The following NCKAP5 variants were observed in gnomAD, a reference collection of about 807,000 sequenced individuals.
The protein encoded by NCKAP5 is NCK associated protein 5, also known as nck-associated protein 5.
A neutral mutation model predicts 167.0 loss-of-function variants in NCKAP5; 92 were observed. The ratio of observed to expected loss-of-function variants is 0.55; its 90% CI spans 0.47 to 0.66. The LOEUF (loss-of-function observed/expected upper bound fraction) is 0.66. Among genes scored for constraint, NCKAP5 ranks in the 30% least tolerant of loss-of-function variants. The probability of loss-of-function intolerance (pLI) is 0.00; values close to 1 mark genes in which losing one functional copy is unlikely to be tolerated. For missense variants in NCKAP5, 2,378 were observed against 2,315.0 expected (o/e 1.03, Z -0.56); for synonymous variants, 891 against 877.4 (o/e 1.02, Z -0.27).
intron 3 of NCKAP5, among the ~76,000 whole-genome samples, chr2:133,393,003 G>C (rs973350835): frequency 3.9e-5 from 6 of 152,184 alleles, no homozygotes; most frequent in Non-Finnish European, 7.3e-5. Context: ...AGTCCTCTCA[G>C]TACAGAAGCC....
intron 6 of NCKAP5, among the ~76,000 whole-genome samples, chr2:133,067,154 C>T (rs1225911861): frequency 1.3e-5 from 2 of 152,088 alleles, no homozygotes; most frequent in East Asian, 1.9e-4. Flanking sequence ...CATGAGCCAC[C>T]GTGCCCGGCC....
At chr2:133,260,916 G>A (rs2088874922) in intron 4 of NCKAP5, among the ~76,000 whole-genome samples, 1 of 152,134 alleles carries the variant, frequency 6.6e-6, no homozygotes, top group Non-Finnish European at 1.5e-5. Context: ...GTGGGCATAT[G>A]TGTGAAACTT....
At chr2:133,054,011 T>C (rs2079701551) in intron 6 of NCKAP5, among the ~76,000 whole-genome samples, 1 of 152,184 alleles carries the variant, frequency 6.6e-6, no homozygotes. Flanking sequence ...ATGCAGTGTA[T>C]GATGGATGAA....
chr2:132,948,846 G>T (rs1196790744), intron 8 of NCKAP5, among the ~76,000 whole-genome samples: 1 of 152,006 alleles, frequency 6.6e-6, no homozygotes, highest in Non-Finnish European at 1.5e-5. Context: ...AAGTAAATCA[G>T]GTCTAAAGCC....
At chr2:132,885,222 A>G (rs368657692) in intron 8 of NCKAP5, among the ~76,000 whole-genome samples, 2 of 152,162 alleles carry the variant, frequency 1.3e-5, no homozygotes, top group African/African-American at 4.8e-5. Flanking sequence ...AGGAAAAAAA[A>G]CCCTCTTAAC....
intron 5 of NCKAP5, among the ~76,000 whole-genome samples, chr2:133,160,420 TTTC>T (rs1453023217): frequency 9.2e-6 from 1 of 108,798 alleles, no homozygotes; most frequent in African/African-American, 3.6e-5. Context: ...TTTTTTTTTT[TTTC>T]TTTTCCTTTC....
intron 3 of NCKAP5, among the ~76,000 whole-genome samples, chr2:133,372,000 A>C (rs1685837547): frequency 6.6e-6 from 1 of 152,210 alleles, no homozygotes; most frequent in South Asian, 2.1e-4. Flanking sequence ...AATATAGTTT[A>C]GTAAGAAGTG....
intron 5 of NCKAP5, among the ~76,000 whole-genome samples, chr2:133,174,632 T>C (rs1020825536): frequency 5.3e-5 from 8 of 152,300 alleles, no homozygotes; most frequent in African/African-American, 1.9e-4. Flanking sequence ...CTGTGTCCTT[T>C]TGAGAAATCC....
the NCKAP5 span, among the ~76,000 whole-genome samples, chr2:133,639,140 T>C: frequency 1.3e-5 from 2 of 152,138 alleles, no homozygotes; most frequent in Non-Finnish European, 2.9e-5. Context: ...TCTACTAGGT[T>C]GGCAAAAATT....
intron 7 of NCKAP5, among the ~76,000 whole-genome samples, chr2:132,985,622 C>T (rs2077266532): frequency 6.6e-6 from 1 of 152,130 alleles, no homozygotes; most frequent in Admixed American, 6.5e-5. Flanking sequence ...AGAAATTCCG[C>T]CTTCTGTATC....
In NCKAP5 at chr2:132,860,734, C is replaced by T. The variant is rs76860179; in HGVS notation, c.688-123G>A. ...ACGGTATTTTTATTCTTCAAAGCCC[C>T]CAGAAGTAAATCACATACGTTTTCG... On this transcript the variant is annotated intron_variant, in intron 10 of 19. Coordinates refer to ENST00000409261, the MANE Select transcript of NCKAP5 (RefSeq NM_207363.3). The T allele has an allele frequency of 5.6e-3, 6,839 of 1,231,482 alleles. 276 individuals carry two copies. The African/African-American group carries it at 0.09, about 16-fold the overall frequency. The allele number at this position is 1,231,482 out of a possible 1,614,324, so 76.3% of individuals were successfully genotyped here.
chr2:132,835,517 C>A (rs1232271231), intron 11 of NCKAP5, among the ~76,000 whole-genome samples: 1 of 151,670 alleles, frequency 6.6e-6, no homozygotes, highest in Non-Finnish European at 1.5e-5. Flanking sequence ...TAATTCACAC[C>A]ATTTTGTAAT....
intron 11 of NCKAP5, among the ~76,000 whole-genome samples, chr2:132,799,273 T>A (rs1684847027): frequency 1.3e-5 from 2 of 150,996 alleles, no homozygotes; most frequent in African/African-American, 2.4e-5. Flanking sequence ...AAGGGGGGAA[T>A]GGGTTGAAAA....
At chr2:132,792,960 G>C (rs942212570) in intron 12 of NCKAP5, among the ~76,000 whole-genome samples, 2 of 152,176 alleles carry the variant, frequency 1.3e-5, no homozygotes, top group African/African-American at 4.8e-5. Flanking sequence ...AGAAGGAATT[G>C]CTGCTTCTCC....
chr2:133,111,620 C>G (rs577497634), intron 6 of NCKAP5, among the ~76,000 whole-genome samples: 1 of 152,220 alleles, frequency 6.6e-6, no homozygotes, highest in Non-Finnish European at 1.5e-5. Context: ...TCATAGCCCT[C>G]TGCCATGATT....
chr2:132,832,580 A>G (rs1687600249), intron 11 of NCKAP5, among the ~76,000 whole-genome samples: 1 of 152,126 alleles, frequency 6.6e-6, no homozygotes, highest in South Asian at 2.1e-4. Flanking sequence ...AACCATGTGT[A>G]CATATATTTT....
rs557960620 is a variant in NCKAP5, at chr2:133,390,860, G to T, written c.70-87750C>A. ...CAGTGATTCCAGTGTGTATTCAGGG[G>T]CAAGAACCACTGCCTTAGAACTTGT... On this transcript the variant is annotated intron_variant, in intron 3 of 19. Coordinates refer to ENST00000409261, the MANE Select transcript of NCKAP5 (RefSeq NM_207363.3). Among the ~76,000 whole-genome samples, 21 of 152,288 alleles carry T rather than the reference G, an allele frequency of 1.4e-4. 1 individual carries two copies. In the South Asian group the frequency reaches 3.5e-3, roughly 26 times the overall value.
intron 7 of NCKAP5, among the ~76,000 whole-genome samples, chr2:132,981,491 A>G (rs2077140575): frequency 6.6e-6 from 1 of 152,174 alleles, no homozygotes; most frequent in Non-Finnish European, 1.5e-5. Flanking sequence ...GAGGGTTATA[A>G]TTTGTAATTT....
At chr2:132,835,774 T>C (rs1286437850) in intron 11 of NCKAP5, among the ~76,000 whole-genome samples, 1 of 152,178 alleles carries the variant, frequency 6.6e-6, no homozygotes, top group African/African-American at 2.4e-5. Context: ...AAGTAAAATA[T>C]ATAAAATTTT....
Sources: allele counts gnomAD v4.1 joint callset (sites outside exome capture counted in the v4.1 genomes callset), GRCh38; gene constraint gnomAD v4.1.1; transcripts MANE v1.5; gene names NCBI Gene and HGNC (gene_info 2026-07-23, HGNC 2026-07-21).